The following BHMT2 variants were observed in gnomAD, a reference collection of about 807,000 sequenced individuals.
BHMT2 encodes betaine--homocysteine S-methyltransferase 2, also known as S-methylmethionine--homocysteine S-methyltransferase BHMT2.
In BHMT2, 28 loss-of-function variants were observed where a neutral mutation model predicts 39.0. That is an observed-to-expected ratio of 0.72 (90% confidence interval 0.53 to 0.98). The LOEUF (loss-of-function observed/expected upper bound fraction) is 0.98, where lower values mean the gene tolerates loss of function less well. Among genes scored for constraint, BHMT2 ranks in the 50% least tolerant of loss-of-function variants. BHMT2 has a pLI of 0.00. For synonymous variants in BHMT2, 145 were observed against 160.6 expected (o/e 0.90, Z 0.74); for missense variants, 410 against 455.6 (o/e 0.90, Z 0.91).
intron 1 of BHMT2, among the ~76,000 whole-genome samples, chr5:79,073,916 G>T (rs1056349180): frequency 5.3e-5 from 8 of 152,270 alleles, no homozygotes; most frequent in African/African-American, 1.9e-4. Context: ...CTAGGATCTG[G>T]ATAAGAACTA....
chr5:79,069,845 G>T, intron 1 of BHMT2, 30 bp downstream of exon 1: 1 of 1,384,696 alleles, frequency 7.2e-7, no homozygotes, highest in Non-Finnish European at 9.4e-7. Flanking sequence ...TCCTCGCGGA[G>T]CTCCTGGCCG....
At chr5:79,080,930 G>T (rs1203285849) in intron 4 of BHMT2, 52 bp downstream of exon 4, 1 of 1,466,520 alleles carries the variant, frequency 6.8e-7, no homozygotes, top group Non-Finnish European at 9.1e-7. Flanking sequence ...AAGCATAACT[G>T]CAGAGTCTTC....
chr5:79,070,644 G>A (rs894236545), intron 1 of BHMT2, among the ~76,000 whole-genome samples: 1 of 152,146 alleles, frequency 6.6e-6, no homozygotes, highest in Admixed American at 6.5e-5. Context: ...GCGTGGAAAT[G>A]TGCACCACCG....
rs369918380 is a variant in BHMT2, at chr5:79,080,823, T to C, written c.395T>C (p.Phe132Ser). 49 of 1,605,960 alleles carry C rather than the reference T, an allele frequency of 3.1e-5. No homozygotes were observed. In the African/African-American group the frequency reaches 6.2e-4, roughly 20 times the overall value. ...QKDEARIKKL[F>S]RQQLEVFAWK... ...GATGAAGCTAGAATTAAAAAACTTT[T>C]TCGACAACAGCTAGAAGTTTTTGCC... is the stretch of plus-strand genomic sequence containing the variant. Residue 132 changes from phenylalanine (F) to serine (S), a missense_variant, in exon 4 of 8, where the codon TTT becomes TCT. Phe to Ser is a radical substitution (Grantham distance 155, BLOSUM62 -2). Transcript: ENST00000255192.
At chr5:79,082,776 T>C (rs773914267) in intron 4 of BHMT2, 33 bp from the exon 5 acceptor site, 9 of 1,610,718 alleles carry the variant, frequency 5.6e-6, no homozygotes, top group Non-Finnish European at 7.6e-6. Context: ...TGCTTTATGT[T>C]TGGACCAGTA....
Position 79,083,286 on chromosome 5 carries a change from GA to G in BHMT2, c.696del (p.Ala233ArgfsTer134), listed in dbSNP as rs768813807. On this transcript the variant is annotated frameshift_variant, in exon 6 of 8. Coordinates refer to ENST00000255192, the MANE Select transcript of BHMT2 (RefSeq NM_017614.5). LOFTEE classifies it high-confidence loss of function. ...MKEGLEWAGL[K>X]AHLMVQPLGF... is the part of the protein sequence containing the mutation. The stretch of plus-strand genomic sequence containing the variant: ...AGGAGGGTCTTGAGTGGGCAGGGCT[GA>G]AAGCGCACCTCATGGTGCAGCCTCT... 5 of 1,614,074 alleles carry G rather than the reference GA, an allele frequency of 3.1e-6. No homozygotes were observed. In the South Asian group the frequency reaches 5.5e-5, roughly 18 times the overall value.
Position 79,082,957 on chromosome 5 carries a change from G to A in BHMT2, c.598+1G>A, listed in dbSNP as rs60185897. The A allele has an allele frequency of 5.3e-4, 858 of 1,614,088 alleles. 3 individuals are homozygous for A. The African/African-American group carries it at 9.8e-3, about 18-fold the overall frequency. On this transcript the variant is annotated splice_donor_variant, in intron 5 of 7. Coordinates refer to ENST00000255192, the MANE Select transcript of BHMT2 (RefSeq NM_017614.5). LOFTEE classifies it high-confidence loss of function. Reference sequence around the variant, plus strand: ...TGTGCTGTGAGGCTGGTGAAGGCAGGTAATTTGGACCCATACCGTGATACA... The same window carrying A: ...TGTGCTGTGAGGCTGGTGAAGGCAGATAATTTGGACCCATACCGTGATACA...
rs1330378019 is a variant in BHMT2, at chr5:79,089,604, C to T, written c.*1030C>T. On this transcript the variant is annotated 3_prime_UTR_variant, in exon 8 of 8. Coordinates refer to ENST00000255192, the MANE Select transcript of BHMT2 (RefSeq NM_017614.5). The stretch of plus-strand genomic sequence containing the variant: ...CTTACTTAGCATTGTGTTAGACATA[C>T]TAATAGGTGCACAGTGAAATACTTA... 1 of 152,168 alleles carries T rather than the reference C, an allele frequency of 6.6e-6. No individual in the cohort carries two copies. The highest frequency in any genetic ancestry group is 2.4e-5 in the African/African-American group (1 of 41,428). The allele number at this position is 152,168 out of a possible 1,614,324, so 9.4% of individuals were successfully genotyped here. A position where few individuals can be genotyped will look rare whatever the true frequency, so the allele number is the denominator to read the frequency against.
At chr5:79,084,775 T>C (rs1755863248) in intron 7 of BHMT2, among the ~76,000 whole-genome samples, 1 of 152,268 alleles carries the variant, frequency 6.6e-6, no homozygotes, top group Non-Finnish European at 1.5e-5. Flanking sequence ...GTGGTAACTA[T>C]TGATAACCCT....
chr5:79,082,834 T>C lies in BHMT2; in HGVS notation c.476T>C (p.Val159Ala), dbSNP rs745650152. Residue 159 changes from valine to alanine, a missense_variant, in exon 5 of 8, where the codon GTG becomes GCG. Val to Ala is a moderately conservative substitution (Grantham distance 64). Transcript: ENST00000255192. ...AEYFEHVEEA[V>A]WAVEVLKESD... The stretch of plus-strand genomic sequence containing the variant: ...TATTTTGAGCACGTTGAAGAAGCTG[T>C]GTGGGCTGTGGAAGTCTTAAAAGAA... 14 of 1,614,052 alleles carry C rather than the reference T, an allele frequency of 8.7e-6. No individual in the cohort carries two copies. In the African/African-American group the frequency reaches 1.6e-4, roughly 18 times the overall value.
At chr5:79,078,342 A>ATTCTC (rs1054817055) in intron 2 of BHMT2, among the ~76,000 whole-genome samples, 2 of 152,020 alleles carry the variant, frequency 1.3e-5, no homozygotes, top group African/African-American at 4.8e-5. Flanking sequence ...GAAAACTTTA[A>ATTCTC]TTCTCTTCTA....
intron 7 of BHMT2, 134 bp downstream of exon 7, chr5:79,083,990 G>T: frequency 7.6e-7 from 1 of 1,312,482 alleles, no homozygotes; most frequent in South Asian, 1.6e-5. Flanking sequence ...TCCCCTTCCT[G>T]ATACCAGCTC....
At chr5:79,087,883 G>A (rs1755930762) in intron 7 of BHMT2, among the ~76,000 whole-genome samples, 1 of 152,156 alleles carries the variant, frequency 6.6e-6, no homozygotes, top group South Asian at 2.1e-4. Flanking sequence ...ATTCATAAAA[G>A]TATGTGAAAT....
At chr5:79,079,606 A>T in intron 3 of BHMT2, 146 bp downstream of exon 3, 1 of 645,720 alleles carries the variant, frequency 1.5e-6, no homozygotes, top group Non-Finnish European at 2.6e-6. Context: ...GAAGATATAT[A>T]CTAAATAGGT....
intron 3 of BHMT2, among the ~76,000 whole-genome samples, chr5:79,080,032 C>A (rs1755755752): frequency 6.6e-6 from 1 of 152,208 alleles, no homozygotes; most frequent in Admixed American, 6.5e-5. Flanking sequence ...AGAGAAAGCA[C>A]TTCATAGATG....
chr5:79,077,492 C>A lies in BHMT2; in HGVS notation c.46C>A (p.Arg16Ser). 6.2e-7 allele frequency: 1 copy of A among 1,611,278 alleles called. No homozygotes were observed. The highest frequency in any genetic ancestry group is 8.5e-7 in the Non-Finnish European group (1 of 1,179,332). ...TTCTCTTCTTCAGGGGATTTTGGAG[C>A]GCCTGGAGAGTGGGGAGGTTGTGAT... ...RPGAKKGILERLESGEVVIGD... is the reference protein window; with the variant it reads ...RPGAKKGILESLESGEVVIGD... The change falls in exon 2 of 8, where the codon CGC (arginine) becomes AGC (serine). Residue 16 changes from arginine to serine, a missense_variant. By Grantham distance (110) the Arg-to-Ser change is moderately radical. Transcript: ENST00000255192.
intron 7 of BHMT2, 99 bp downstream of exon 7, chr5:79,083,955 T>C: frequency 6.9e-7 from 1 of 1,448,744 alleles, no homozygotes; most frequent in Non-Finnish European, 9.2e-7. Context: ...AGTATAGAAA[T>C]GTATAAAGTG....
intron 2 of BHMT2, chr5:79,077,857 A>C (rs1032532916): frequency 1.3e-5 from 4 of 308,158 alleles, no homozygotes; most frequent in Non-Finnish European, 2.4e-5. Flanking sequence ...ACACACTCCC[A>C]CACACACACA....
At chr5:79,083,475 G>C in intron 6 of BHMT2, 101 bp downstream of exon 6, 1 of 1,481,562 alleles carries the variant, frequency 6.7e-7, no homozygotes, top group Non-Finnish European at 9.0e-7. Flanking sequence ...GACTGCATAT[G>C]ACAAAACATT....
Sources: gnomAD v4.1 joint callset for allele counts (sites outside exome capture counted in the v4.1 genomes callset) on GRCh38, gnomAD v4.1.1 for gene constraint, MANE v1.5 for transcripts, NCBI Gene and HGNC (gene_info 2026-07-23, HGNC 2026-07-21) for gene names.